The following RHBDD1 variants were observed in gnomAD, a reference collection of about 807,000 sequenced individuals.
The protein encoded by RHBDD1 is rhomboid domain containing 1, also known as rhomboid-related protein 4.
Under a neutral mutation model 36.3 loss-of-function variants are expected in RHBDD1, and 38 were observed. The ratio of observed to expected loss-of-function variants is 1.05; its 90% CI spans 0.81 to 1.37. The LOEUF (loss-of-function observed/expected upper bound fraction) is 1.37, where lower values mean the gene tolerates loss of function less well. Among genes scored for constraint, RHBDD1 ranks in the 40% most tolerant of loss-of-function variants. The pLI is 0.00. For synonymous variants in RHBDD1, 151 were observed against 136.5 expected (o/e 1.11, Z -0.74); for missense variants, 393 against 377.6 (o/e 1.04, Z -0.34).
intron 8 of RHBDD1, among the ~76,000 whole-genome samples, chr2:226,955,757 C>A (rs182639749): frequency 1.3e-5 from 2 of 152,362 alleles, no homozygotes; most frequent in East Asian, 3.9e-4. Context: ...TGTGCACACA[C>A]ATCCCTGGAG....
At chr2:226,927,767 G>A (rs920257898) in intron 8 of RHBDD1, among the ~76,000 whole-genome samples, 6 of 151,888 alleles carry the variant, frequency 4.0e-5, no homozygotes, top group Non-Finnish European at 7.4e-5. Flanking sequence ...TGAAGTTTCT[G>A]TTCCATTATT....
chr2:226,836,965 C>T (rs1941043870), intron 1 of RHBDD1, among the ~76,000 whole-genome samples: 1 of 152,220 alleles, frequency 6.6e-6, no homozygotes, highest in Admixed American at 6.5e-5. Context: ...CTAGGATCAG[C>T]ATCACTTGGG....
At position 226,856,709 on chromosome 2, in the gene RHBDD1, A is replaced by G. The variant is rs1297020016; in HGVS notation, c.-90-7895A>G. ...AAAAAAATGCATGTAGCGTTTGTGT[A>G]TATTTTGACCACGTTAATGCGCTAT... On this transcript the variant is annotated intron_variant, in intron 3 of 8. Transcript: ENST00000392062. Among the ~76,000 whole-genome samples, 5 of 152,202 alleles carry G rather than the reference A, an allele frequency of 3.3e-5. No homozygotes were observed. In the East Asian group the frequency reaches 5.8e-4, roughly 18 times the overall value.
intron 5 of RHBDD1, among the ~76,000 whole-genome samples, chr2:226,903,875 G>T (rs1669058922): frequency 6.6e-6 from 1 of 152,134 alleles, no homozygotes; most frequent in African/African-American, 2.4e-5. Flanking sequence ...TAGCAGAACG[G>T]CGCAACAGAG....
chr2:226,834,918 G>T (rs1479677026), upstream of RHBDD1, among the ~76,000 whole-genome samples: 1 of 152,154 alleles, frequency 6.6e-6, no homozygotes, highest in Non-Finnish European at 1.5e-5. Context: ...CGGGATTACA[G>T]GCGCCCGCAA....
At chr2:226,914,445 C>A in intron 8 of RHBDD1, 94 bp downstream of exon 8, 3 of 1,387,546 alleles carry the variant, frequency 2.2e-6, no homozygotes, top group Admixed American at 5.2e-5. Context: ...AAATTTTAAA[C>A]AGTTCAGAAA....
the RHBDD1 span, among the ~76,000 whole-genome samples, chr2:226,801,899 C>T: frequency 5.9e-3 from 904 of 152,212 alleles, 11 homozygotes; most frequent in African/African-American, 0.021. Flanking sequence ...AAGGGCTTTT[C>T]ACAGGTTTGA....
intron 8 of RHBDD1, among the ~76,000 whole-genome samples, chr2:226,964,741 G>C (rs1952493997): frequency 6.6e-6 from 1 of 152,192 alleles, no homozygotes; most frequent in Non-Finnish European, 1.5e-5. Context: ...AAGCCTTCTT[G>C]ATGGTAACTC....
intron 5 of RHBDD1, among the ~76,000 whole-genome samples, chr2:226,882,355 G>A (rs545367740): frequency 1.7e-4 from 25 of 148,414 alleles, no homozygotes; most frequent in Middle Eastern, 6.9e-3. Context: ...GCTTGAACCC[G>A]GTAGGTGGAG....
At chr2:226,818,607 G>A in the RHBDD1 span, among the ~76,000 whole-genome samples, 2 of 151,894 alleles carry the variant, frequency 1.3e-5, no homozygotes, top group Admixed American at 1.3e-4. Flanking sequence ...TTGGGAGGCC[G>A]AGGTGGGTGG....
At chr2:226,880,205 A>T (rs140223634) in intron 5 of RHBDD1, among the ~76,000 whole-genome samples, 1 of 152,290 alleles carries the variant, frequency 6.6e-6, no homozygotes, top group East Asian at 1.9e-4. Flanking sequence ...GTTTCATTTC[A>T]TAGAAACATG....
intron 3 of RHBDD1, among the ~76,000 whole-genome samples, chr2:226,853,875 C>T (rs1002487618): frequency 1.3e-5 from 2 of 152,174 alleles, no homozygotes; most frequent in African/African-American, 4.8e-5. Flanking sequence ...GTACATCTCA[C>T]GTGGGCAACT....
intron 5 of RHBDD1, 123 bp downstream of exon 5, chr2:226,867,441 C>T (rs1944431830): frequency 8.2e-7 from 1 of 1,216,472 alleles, no homozygotes; most frequent in Admixed American, 2.6e-5. Flanking sequence ...TCTATTAGGA[C>T]AGAATCAAGC....
chr2:226,939,366 C>G (rs942070537), intron 8 of RHBDD1, among the ~76,000 whole-genome samples: 1 of 152,168 alleles, frequency 6.6e-6, no homozygotes, highest in Admixed American at 6.5e-5. Context: ...GATCCTATAT[C>G]CAGAAAACTC....
the RHBDD1 span, among the ~76,000 whole-genome samples, chr2:226,813,360 G>A: frequency 2.0e-5 from 3 of 152,186 alleles, no homozygotes; most frequent in Non-Finnish European, 2.9e-5. Context: ...CATTGAATCA[G>A]GACAATGCCA....
intron 3 of RHBDD1, among the ~76,000 whole-genome samples, chr2:226,859,679 G>T (rs1375038579): frequency 6.6e-6 from 1 of 152,196 alleles, no homozygotes; most frequent in South Asian, 2.1e-4. Flanking sequence ...TGATTTGGGA[G>T]CACCTGTGTG....
At chr2:226,854,694 C>T (rs935557081) in intron 3 of RHBDD1, among the ~76,000 whole-genome samples, 2 of 151,786 alleles carry the variant, frequency 1.3e-5, no homozygotes, top group African/African-American at 4.9e-5. Context: ...CTCCAGAGTC[C>T]ATTCCATTAA....
chr2:226,825,122 T>C, the RHBDD1 span, among the ~76,000 whole-genome samples: 3 of 152,196 alleles, frequency 2.0e-5, no homozygotes, highest in Non-Finnish European at 4.4e-5. Flanking sequence ...ATCAAGCACA[T>C]ACACAGCACT....
At chr2:226,884,395 A>G (rs1946044051) in intron 5 of RHBDD1, among the ~76,000 whole-genome samples, 1 of 152,096 alleles carries the variant, frequency 6.6e-6, no homozygotes, top group Non-Finnish European at 1.5e-5. Context: ...CCTGCAATAA[A>G]TGTTCCCTCC....
Sources: gnomAD v4.1 joint callset for allele counts (sites outside exome capture counted in the v4.1 genomes callset) on GRCh38, gnomAD v4.1.1 for gene constraint, MANE v1.5 for transcripts, NCBI Gene and HGNC (gene_info 2026-07-23, HGNC 2026-07-21) for gene names.